ALK: variants seen among roughly 807,000 people sequenced by gnomAD.
ALK encodes the protein ALK tyrosine kinase receptor.
ALK carries 74 observed loss-of-function variants against 163.1 expected under a neutral mutation model. The ratio of observed to expected loss-of-function variants is 0.45; its 90% CI spans 0.38 to 0.55. The LOEUF is 0.55. Ranked by LOEUF, ALK falls within the 20% of genes least tolerant of loss-of-function variation. ALK has a pLI of 0.00. For synonymous variants in ALK, 960 were observed against 843.2 expected (o/e 1.14, Z -2.40); for missense variants, 2,063 against 2,105.3 (o/e 0.98, Z 0.39).
intron 3 of ALK, among the ~76,000 whole-genome samples, chr2:29,639,803 G>A (rs924264770): frequency 6.6e-6 from 1 of 152,160 alleles, no homozygotes; most frequent in Non-Finnish European, 1.5e-5. Context: ...TTTCTTAGGT[G>A]TGTCTTTACA....
chr2:29,562,996 G>A (rs757136678), intron 3 of ALK, among the ~76,000 whole-genome samples: 1 of 152,152 alleles, frequency 6.6e-6, no homozygotes, highest in Non-Finnish European at 1.5e-5. Flanking sequence ...TTAAACTCCA[G>A]GCTGTGAATT....
chr2:29,522,318 G>C (rs1008445495), intron 4 of ALK, among the ~76,000 whole-genome samples: 2 of 152,192 alleles, frequency 1.3e-5, no homozygotes, highest in African/African-American at 2.4e-5. Flanking sequence ...CATAATATTA[G>C]ATGAGCTGAC....
intron 3 of ALK, among the ~76,000 whole-genome samples, chr2:29,550,167 T>C (rs1673677985): frequency 6.6e-6 from 1 of 152,216 alleles, no homozygotes; most frequent in South Asian, 2.1e-4. Context: ...TCCCGAGCAA[T>C]ATGTTAACAT....
intron 1 of ALK, among the ~76,000 whole-genome samples, chr2:29,767,624 C>G (rs1385617894): frequency 6.6e-6 from 1 of 152,168 alleles, no homozygotes; most frequent in Non-Finnish European, 1.5e-5. Context: ...TTTCCCGGGC[C>G]CTTAGTGAAA....
chr2:29,246,856 C>A lies in ALK; in HGVS notation c.2204+4249G>T, dbSNP rs538169097. On this transcript the variant is annotated intron_variant, in intron 12 of 28. Transcript: ENST00000389048. The surrounding 1 kb of genome is among the most constrained non-coding windows in gnomAD (Gnocchi z 4.3). ...CTCCAGGCCGTTTCTCTCACTTCCA[C>A]CCTCATGCTTTCACCAGGGGGAGCG... Among the ~76,000 whole-genome samples, 1 of 152,290 alleles carries A rather than the reference C, an allele frequency of 6.6e-6. No individual in the cohort carries two copies. The highest frequency in any genetic ancestry group is 2.4e-5 in the African/African-American group (1 of 41,564).
intron 3 of ALK, among the ~76,000 whole-genome samples, chr2:29,532,710 C>A (rs1673153115): frequency 6.6e-6 from 1 of 152,190 alleles, no homozygotes; most frequent in African/African-American, 2.4e-5. Flanking sequence ...GTAGCACAGG[C>A]CAAATGACCT....
intron 1 of ALK, among the ~76,000 whole-genome samples, chr2:29,806,482 A>C (rs1664621173): frequency 6.6e-6 from 1 of 152,194 alleles, no homozygotes; most frequent in South Asian, 2.1e-4. Context: ...GGAGAGAAGG[A>C]GCCGCCAGCT....
chr2:29,697,610 C>A (rs1295327950), intron 2 of ALK, among the ~76,000 whole-genome samples: 1 of 152,192 alleles, frequency 6.6e-6, no homozygotes, highest in Non-Finnish European at 1.5e-5. Flanking sequence ...TTACTTCATC[C>A]TCTCCCCGAA....
intron 3 of ALK, among the ~76,000 whole-genome samples, chr2:29,669,333 C>A (rs1677613210): frequency 6.6e-6 from 1 of 151,814 alleles, no homozygotes; most frequent in Non-Finnish European, 1.5e-5. Flanking sequence ...GAATTTGACC[C>A]CTTTACTTTA....
At chr2:29,553,085 G>C (rs1391950231) in intron 3 of ALK, among the ~76,000 whole-genome samples, 1 of 152,106 alleles carries the variant, frequency 6.6e-6, no homozygotes, top group African/African-American at 2.4e-5. Context: ...TAAAACTCTT[G>C]CTATGGTGTA....
At chr2:29,490,899 G>A (rs1671884576) in intron 4 of ALK, among the ~76,000 whole-genome samples, 1 of 152,162 alleles carries the variant, frequency 6.6e-6, no homozygotes, top group African/African-American at 2.4e-5. Context: ...CAGCTGTCAT[G>A]TGATTTCTAT....
intron 3 of ALK, among the ~76,000 whole-genome samples, chr2:29,573,653 A>C (rs1674442031): frequency 6.6e-6 from 1 of 152,204 alleles, no homozygotes; most frequent in African/African-American, 2.4e-5. Context: ...ACTATGGCAG[A>C]GTTTAACAGC....
chr2:29,591,456 A>T (rs1675058112), intron 3 of ALK, among the ~76,000 whole-genome samples: 1 of 152,192 alleles, frequency 6.6e-6, no homozygotes, highest in South Asian at 2.1e-4. Flanking sequence ...GGACGTAGGC[A>T]AGTGGGCATG....
rs796991974 is a variant in ALK at position 29,909,484 on chromosome 2, G to C, written c.667+10509C>G. Among the ~76,000 whole-genome samples, 662 of 111,006 alleles carry C rather than the reference G, an allele frequency of 6.0e-3. 6 individuals carry two copies. Among genetic ancestry groups the C allele is most frequent in the African/African-American group, 0.033 (621 of 19,022 alleles). 72.8% of individuals were successfully genotyped at this position (111,006 alleles called of 152,430 possible). On this transcript the variant is annotated intron_variant, in intron 1 of 28. Transcript: ENST00000389048. ...ACACAGAGAGAGACAGACAGACAGA[G>C]AGAGAGAGAGAGAGAGAGAGAGAGA...
In ALK at chr2:29,638,671, A is replaced by G. The variant is rs148575097; in HGVS notation, c.952+56179T>C. Among the ~76,000 whole-genome samples the G allele has an allele frequency of 3.6e-3, 555 of 152,228 alleles. 3 individuals carry two copies. Among genetic ancestry groups the G allele is most frequent in the African/African-American group, 0.013 (525 of 41,544 alleles). On this transcript the variant is annotated intron_variant, in intron 3 of 28. Transcript: ENST00000389048. Reference sequence around the variant, plus strand: ...CATGGAACAGCTCCTTATCTCACCCATGGAGTGGCCTGTTTCTTGCCCTAC... The same window carrying G: ...CATGGAACAGCTCCTTATCTCACCCGTGGAGTGGCCTGTTTCTTGCCCTAC...
intron 6 of ALK, among the ~76,000 whole-genome samples, chr2:29,324,295 C>T (rs1223876751): frequency 6.6e-6 from 1 of 152,236 alleles, no homozygotes; most frequent in African/African-American, 2.4e-5. Flanking sequence ...AATGACACTA[C>T]TTCTTTTCCT....
intron 1 of ALK, among the ~76,000 whole-genome samples, chr2:29,835,227 T>C (rs1665526816): frequency 6.6e-6 from 1 of 152,204 alleles, no homozygotes; most frequent in Non-Finnish European, 1.5e-5. Context: ...GCTGAGAAAG[T>C]AGCAGAGAAT....
chr2:29,375,694 T>A (rs1668738215), intron 5 of ALK, among the ~76,000 whole-genome samples: 1 of 152,146 alleles, frequency 6.6e-6, no homozygotes, highest in African/African-American at 2.4e-5. Flanking sequence ...CTTTAATGAT[T>A]TGAAGTGTGA....
At chr2:29,511,946 G>A (rs1672532126) in intron 4 of ALK, among the ~76,000 whole-genome samples, 1 of 152,196 alleles carries the variant, frequency 6.6e-6, no homozygotes, top group South Asian at 2.1e-4. Context: ...ACTTAATTGG[G>A]TGGGTACAAG....
Sources: gnomAD v4.1 joint callset for allele counts (sites outside exome capture counted in the v4.1 genomes callset) on GRCh38, gnomAD v4.1.1 for gene constraint, Gnocchi (gnomAD v3.1) non-coding constraint, MANE v1.5 for transcripts, NCBI Gene and HGNC (gene_info 2026-07-23, HGNC 2026-07-21) for gene names.